Variants in BCAS3 observed in about 807,000 individuals in gnomAD.
BCAS3 encodes the protein BCAS3 microtubule associated cell migration factor, also known as BCAS4/BCAS3 fusion.
BCAS3 carries 53 observed loss-of-function variants against 116.1 expected under a neutral mutation model. The observed-to-expected ratio is 0.46, with a 90% CI of 0.37 to 0.57. BCAS3 has a LOEUF of 0.57. Among genes scored for constraint, BCAS3 ranks in the 20% least tolerant of loss-of-function variants. BCAS3 has a pLI of 0.00. For missense variants in BCAS3, 917 were observed against 1,165.4 expected (o/e 0.79, Z 3.10); for synonymous variants, 391 against 408.2 (o/e 0.96, Z 0.51).
chr17:61,069,884 C>T (rs1430314674), intron 19 of BCAS3: 6 of 1,170,238 alleles, frequency 5.1e-6, no homozygotes, highest in South Asian at 2.5e-5. Flanking sequence ...GCGCCGAAAG[C>T]GAAGAAGGAA....
chr17:61,280,384 A>C (rs2051137405), intron 22 of BCAS3, among the ~76,000 whole-genome samples: 1 of 152,224 alleles, frequency 6.6e-6, no homozygotes, highest in Non-Finnish European at 1.5e-5. Context: ...CTTAAAGTCC[A>C]AGAGGCTATT....
chr17:61,012,710 G>A lies in BCAS3; in HGVS notation c.1487-3041G>A, dbSNP rs1568118257. On this transcript the variant is annotated intron_variant, in intron 15 of 23. Transcript: ENST00000407086. This position sits in a 1 kb window ranked among gnomAD's most constrained non-coding sequence, Gnocchi z 4.5. ...CAGCATAAACACAGGAGCAGGCTGA[G>A]AAGGATAGATCTGAAGTTCTTTGTA... Among the ~76,000 whole-genome samples, 1 of 152,060 alleles carries A rather than the reference G, an allele frequency of 6.6e-6. No homozygotes were observed. The highest frequency in any genetic ancestry group is 1.9e-4 in the East Asian group (1 of 5,198).
At chr17:60,818,453 A>G (rs1479703852) in intron 7 of BCAS3, among the ~76,000 whole-genome samples, 2 of 152,194 alleles carry the variant, frequency 1.3e-5, no homozygotes, top group Admixed American at 6.5e-5. Flanking sequence ...TTATTAAATA[A>G]TTAGAAGTAG....
chr17:60,874,249 T>G (rs2055384533), intron 8 of BCAS3, among the ~76,000 whole-genome samples: 1 of 151,250 alleles, frequency 6.6e-6, no homozygotes, highest in South Asian at 2.1e-4. Flanking sequence ...TTGTATTATT[T>G]CTTATAGAGA....
rs1379785431 is a variant in BCAS3 at position 60,956,932 on chromosome 17, A to C, written c.1221+9580A>C. ...CATGTTTTTCTGGATTCTTCCAAGA[A>C]CTCTGACGGTACTTTAATCAGGCAA... On this transcript the variant is annotated intron_variant, in intron 14 of 23. Transcript: ENST00000407086. This position sits in a 1 kb window ranked among gnomAD's most constrained non-coding sequence, Gnocchi z 4.2. Among the ~76,000 whole-genome samples, 1 of 152,018 alleles carries C rather than the reference A, an allele frequency of 6.6e-6. No homozygotes were observed. Among genetic ancestry groups the C allele is most frequent in the Non-Finnish European group, 1.5e-5 (1 of 67,986 alleles).
At chr17:60,976,271 G>T (rs1162199074) in intron 14 of BCAS3, among the ~76,000 whole-genome samples, 2 of 151,272 alleles carry the variant, frequency 1.3e-5, no homozygotes. Flanking sequence ...TGATCCACCC[G>T]CCTCGGCCTG....
chr17:60,680,725 T>A (rs993120521), intron 2 of BCAS3, among the ~76,000 whole-genome samples: 2 of 151,784 alleles, frequency 1.3e-5, no homozygotes, highest in East Asian at 3.9e-4. Flanking sequence ...AGCCTCCACC[T>A]CCTCCTCTGT....
chr17:61,020,500 C>T lies in BCAS3; in HGVS notation c.1637+4599C>T, dbSNP rs563514944. On this transcript the variant is annotated intron_variant, in intron 16 of 23. Coordinates refer to ENST00000407086, the MANE Select transcript of BCAS3 (RefSeq NM_017679.5). The surrounding 1 kb of genome is among the most constrained non-coding windows in gnomAD (Gnocchi z 4.5). The stretch of plus-strand genomic sequence containing the variant: ...GACATTATTTGGCTCCAATAATCAC[C>T]CATTCAAACAGACTCTGTTTTCTTT... 1.1e-4 allele frequency among the ~76,000 whole-genome samples: 17 copies of T among 152,290 alleles called. No homozygotes were observed. Among genetic ancestry groups the T allele is most frequent in the African/African-American group, 3.6e-4 (15 of 41,566 alleles).
intron 7 of BCAS3, among the ~76,000 whole-genome samples, chr17:60,816,920 G>A (rs534290114): frequency 1.3e-5 from 2 of 152,194 alleles, no homozygotes; most frequent in East Asian, 3.8e-4. Flanking sequence ...AGTTTCAGCA[G>A]CTGGGCTTTA....
In BCAS3 at chr17:61,199,278, A is replaced by C. The variant is rs942759684; in HGVS notation, c.2425+114714A>C. Among the ~76,000 whole-genome samples, 1 of 152,186 alleles carries C rather than the reference A, an allele frequency of 6.6e-6. No individual in the cohort carries two copies. The highest frequency in any genetic ancestry group is 2.4e-5 in the African/African-American group (1 of 41,446). On this transcript the variant is annotated intron_variant, in intron 22 of 23. Coordinates refer to ENST00000407086, the MANE Select transcript of BCAS3 (RefSeq NM_017679.5). This position sits in a 1 kb window ranked among gnomAD's most constrained non-coding sequence, Gnocchi z 4.6. ...TTATCTGTTCTGTTGTGTAGAATGT[A>C]TATGCTGCCAGCCAGCCTTACTCTT... is the stretch of plus-strand genomic sequence containing the variant.
intron 2 of BCAS3, among the ~76,000 whole-genome samples, chr17:60,680,792 C>T (rs2032967414): frequency 6.6e-6 from 1 of 152,086 alleles, no homozygotes; most frequent in Non-Finnish European, 1.5e-5. Context: ...GGATTACAGG[C>T]GAGCGCCACC....
intron 6 of BCAS3, 48 bp downstream of exon 6, chr17:60,747,327 TTTG>T: frequency 6.7e-7 from 1 of 1,490,128 alleles, no homozygotes; most frequent in African/African-American, 1.4e-5. Context: ...GAGTTTCTCT[TTTG>T]TTGGTCTTGG....
intron 12 of BCAS3, among the ~76,000 whole-genome samples, chr17:60,921,552 G>A (rs955885570): frequency 4.7e-5 from 7 of 147,822 alleles, no homozygotes; most frequent in Non-Finnish European, 8.9e-5. Context: ...GGCGGAGCTT[G>A]CAGTGAGCCG....
chr17:60,912,624 A>G (rs1028353654), intron 12 of BCAS3, among the ~76,000 whole-genome samples: 4 of 151,992 alleles, frequency 2.6e-5, no homozygotes, highest in Admixed American at 6.5e-5. Context: ...ATGAAGTGCT[A>G]GAAGACTTTT....
intron 12 of BCAS3, among the ~76,000 whole-genome samples, chr17:60,923,657 C>T (rs1425965544): frequency 6.6e-6 from 1 of 152,016 alleles, no homozygotes; most frequent in East Asian, 1.9e-4. Flanking sequence ...AATAGGTTTT[C>T]TTTCTGAAAC....
chr17:61,184,826 G>A (rs1174410311), intron 22 of BCAS3, among the ~76,000 whole-genome samples: 2 of 151,988 alleles, frequency 1.3e-5, no homozygotes, highest in Non-Finnish European at 2.9e-5. Context: ...AGTGAAAAAA[G>A]ACAGACATAA....
At chr17:61,287,744 C>CA (rs879582551) in intron 22 of BCAS3, among the ~76,000 whole-genome samples, 14 of 149,144 alleles carry the variant, frequency 9.4e-5, no homozygotes, top group South Asian at 2.1e-4. Context: ...AAAAACAAAA[C>CA]AAAAAAAACA....
chr17:60,810,346 AG>A, intron 7 of BCAS3: 2 of 448,106 alleles, frequency 4.5e-6, no homozygotes. Flanking sequence ...CATGGGGTCC[AG>A]GGGCCTGGTT....
At chr17:60,958,341 A>G (rs2061246951) in intron 14 of BCAS3, among the ~76,000 whole-genome samples, 1 of 152,228 alleles carries the variant, frequency 6.6e-6, no homozygotes, top group Admixed American at 6.5e-5. Context: ...TTGAAAAACT[A>G]AAGGATTTTA....
Sources: allele counts gnomAD v4.1 joint callset (sites outside exome capture counted in the v4.1 genomes callset), GRCh38; gene constraint gnomAD v4.1.1; non-coding constraint Gnocchi (gnomAD v3.1); transcripts MANE v1.5; gene names NCBI Gene and HGNC (gene_info 2026-07-23, HGNC 2026-07-21).